SBSPON: variants seen among roughly 807,000 people sequenced by gnomAD.
The protein encoded by SBSPON is somatomedin-B and thrombospondin type-1 domain-containing protein.
A neutral mutation model predicts 35.8 loss-of-function variants in SBSPON; 30 were observed. That is an observed-to-expected ratio of 0.84 (90% CI 0.63 to 1.14). SBSPON has a LOEUF of 1.14. Among genes scored for constraint, SBSPON ranks in the 50% most tolerant of loss-of-function variants. SBSPON has a pLI of 0.00. For synonymous variants in SBSPON, 136 were observed against 135.9 expected (o/e 1.00, Z 0.00); for missense variants, 364 against 357.7 (o/e 1.02, Z -0.14).
chr8:73,092,192 TA>T lies in SBSPON; in HGVS notation c.214+661del, dbSNP rs139032406. On this transcript the variant is annotated intron_variant, in intron 1 of 4. Transcript: ENST00000297354. ...AAGGAAAACCAGCAAGATTACAACA[TA>T]ATAGGGACCTCGAGATAAAATCCTT... Among the ~76,000 whole-genome samples, 509 of 152,286 alleles carry T rather than the reference TA, an allele frequency of 3.3e-3. 5 individuals carry two copies. Among genetic ancestry groups the T allele is most frequent in the African/African-American group, 0.011 (475 of 41,554 alleles).
At chr8:73,070,831 T>C (rs1233229589) in intron 3 of SBSPON, among the ~76,000 whole-genome samples, 1 of 152,218 alleles carries the variant, frequency 6.6e-6, no homozygotes, top group Non-Finnish European at 1.5e-5. Context: ...TTCTTACCCA[T>C]ACAATTATGA....
At chr8:73,086,769 TA>T (rs988414312) in intron 1 of SBSPON, among the ~76,000 whole-genome samples, 1 of 152,206 alleles carries the variant, frequency 6.6e-6, no homozygotes, top group African/African-American at 2.4e-5. Flanking sequence ...AAGATATGAA[TA>T]AAAAAGATAA....
At position 73,088,511 on chromosome 8, in the gene SBSPON, C is replaced by A. The variant is rs558226923; in HGVS notation, c.214+4343G>T. 2.0e-5 allele frequency among the ~76,000 whole-genome samples: 3 copies of A among 152,040 alleles called. No homozygotes were observed. In the South Asian group the frequency reaches 6.2e-4, roughly 32 times the overall value. ...CAGCTTGGGCAACATGGGGAAACTT[C>A]GTCTCCACAAAAAATAGCCAGGCTT... On this transcript the variant is annotated intron_variant, in intron 1 of 4. Coordinates refer to ENST00000297354, the MANE Select transcript of SBSPON (RefSeq NM_153225.4).
chr8:73,090,548 C>T (rs995939901), intron 1 of SBSPON, among the ~76,000 whole-genome samples: 2 of 152,324 alleles, frequency 1.3e-5, no homozygotes, highest in Non-Finnish European at 2.9e-5. Flanking sequence ...TCTGCTCTCA[C>T]CCTCGGAGGG....
chr8:73,080,137 T>C (rs1293132408), intron 2 of SBSPON, among the ~76,000 whole-genome samples: 1 of 152,236 alleles, frequency 6.6e-6, no homozygotes, highest in South Asian at 2.1e-4. Flanking sequence ...CATTGGCCAC[T>C]CCAAAACCAG....
At chr8:73,087,506 C>T (rs1376050877) in intron 1 of SBSPON, among the ~76,000 whole-genome samples, 1 of 152,208 alleles carries the variant, frequency 6.6e-6, no homozygotes, top group Admixed American at 6.5e-5. Context: ...AATACTGGCT[C>T]CAGTCAGGCC....
chr8:73,079,672 A>G (rs1048372681), intron 2 of SBSPON, among the ~76,000 whole-genome samples: 1 of 152,070 alleles, frequency 6.6e-6, no homozygotes, highest in Non-Finnish European at 1.5e-5. Context: ...ACCGAGGGGA[A>G]TCACCTGATT....
At position 73,064,801 on chromosome 8, in the gene SBSPON, TC is replaced by T. The variant is rs1171223213; in HGVS notation, c.*2539del. The T allele has an allele frequency of 6.6e-6, 1 of 152,204 alleles. No homozygotes were observed. The highest frequency in any genetic ancestry group is 1.5e-5 in the Non-Finnish European group (1 of 68,030). The allele number at this position is 152,204 out of a possible 1,614,324, so 9.4% of individuals were successfully genotyped here. ...CTTTTCTCTTCAAAAATGGCCATTA[TC>T]CCTTGCTTCTTTTCCCTTCTTTCCT... On this transcript the variant is annotated 3_prime_UTR_variant, in exon 5 of 5. Coordinates refer to ENST00000297354, the MANE Select transcript of SBSPON (RefSeq NM_153225.4).
chr8:73,068,545 T>C (rs1381643243), intron 4 of SBSPON, among the ~76,000 whole-genome samples: 1 of 152,224 alleles, frequency 6.6e-6, no homozygotes, highest in Non-Finnish European at 1.5e-5. Flanking sequence ...TTCTTTTAGT[T>C]TTGTATAGTG....
chr8:73,083,127 C>T (rs1170896751), intron 1 of SBSPON, among the ~76,000 whole-genome samples: 2 of 152,200 alleles, frequency 1.3e-5, no homozygotes, highest in African/African-American at 2.4e-5. Flanking sequence ...GTATTTGTTT[C>T]TTGTATTCGG....
In SBSPON at chr8:73,081,056, G is replaced by T. The variant is rs763605847; in HGVS notation, c.372C>A (p.Tyr124Ter). ...CGCAGTCCTGGCCCTGCGGGGTGGA[G>T]TACTCCAGGCAGCCAGCTCTCTCTT... ...PLEERAGCLE[Y>*]STPQGQDCGH... The change falls in exon 2 of 5, where the codon TAC becomes TAA. Residue 124 changes from tyrosine to a stop codon, truncating the protein, a stop_gained. Transcript: ENST00000297354. LOFTEE classifies it high-confidence loss of function. The T allele has an allele frequency of 6.2e-7, 1 of 1,611,498 alleles. No individual in the cohort carries two copies. Among genetic ancestry groups the T allele is most frequent in the Non-Finnish European group, 8.5e-7 (1 of 1,178,748 alleles).
intron 1 of SBSPON, among the ~76,000 whole-genome samples, chr8:73,087,798 C>T (rs1810861850): frequency 6.6e-6 from 1 of 152,200 alleles, no homozygotes; most frequent in Non-Finnish European, 1.5e-5. Context: ...ATTACCCTCT[C>T]CTTAAGCTGC....
At position 73,067,382 on chromosome 8, in the gene SBSPON, G is replaced by C. The variant is rs536048336; in HGVS notation, c.754C>G (p.Gln252Glu). Reference protein sequence around the residue: ...GTWKKVRRVDQCSCPAVHSFI... With the variant: ...GTWKKVRRVDECSCPAVHSFI... ...CTGTGAACAGCTGGACAAGAACACT[G>C]GTCTACTCGCCGAACTTTTTTCCAA... The change falls in exon 5 of 5, where the codon CAG (glutamine) becomes GAG (glutamate). Residue 252 changes from glutamine (Q) to glutamate (E), a missense_variant. Gln to Glu is a conservative substitution (Grantham distance 29). Transcript: ENST00000297354. The C allele has an allele frequency of 1.2e-6, 2 of 1,609,532 alleles. No individual in the cohort carries two copies. Among genetic ancestry groups the C allele is most frequent in the African/African-American group, 2.7e-5 (2 of 74,658 alleles).
chr8:73,065,778 CAAA>C lies in SBSPON; in HGVS notation c.*1560_*1562del, dbSNP rs1364982816. ...TGGGCAACAGAGTGAGACTCTGTCT[CAAA>C]GAAAAAAAAACTTTTAAGTAACATT... On this transcript the variant is annotated 3_prime_UTR_variant, in exon 5 of 5. Transcript: ENST00000297354. The C allele has an allele frequency of 6.6e-6, 1 of 151,482 alleles. No homozygotes were observed. Among genetic ancestry groups the C allele is most frequent in the East Asian group, 1.9e-4 (1 of 5,174 alleles). 9.4% of individuals were successfully genotyped at this position (151,482 alleles called of 1,614,324 possible). A position where few individuals can be genotyped will look rare whatever the true frequency, so the allele number is the denominator to read the frequency against.
At position 73,069,890 on chromosome 8, in the gene SBSPON, CCT is replaced by C; in HGVS notation, c.590_591del (p.Glu197GlyfsTer40). On this transcript the variant is annotated frameshift_variant, in exon 4 of 5. Coordinates refer to ENST00000297354, the MANE Select transcript of SBSPON (RefSeq NM_153225.4). LOFTEE classifies it high-confidence loss of function. ...TGACAATCCACACACACCGTGTATC[CCT>C]CTCGGAGATACTGCATCCATCTAGT... ...PLTRWMQYLR[E>X]GYTVCVDCQP... The C allele has an allele frequency of 6.2e-7, 1 of 1,612,692 alleles. No homozygotes were observed. The highest frequency in any genetic ancestry group is 8.5e-7 in the Non-Finnish European group (1 of 1,178,700).
At chr8:73,090,696 G>A (rs1023376760) in intron 1 of SBSPON, among the ~76,000 whole-genome samples, 14 of 152,174 alleles carry the variant, frequency 9.2e-5, no homozygotes, top group Admixed American at 7.9e-4. Context: ...GGCCTGCAAG[G>A]TCCTCTGTTG....
intron 2 of SBSPON, among the ~76,000 whole-genome samples, chr8:73,080,371 C>G (rs1484236525): frequency 6.6e-6 from 1 of 151,966 alleles, no homozygotes; most frequent in South Asian, 2.1e-4. Context: ...AAAAATTAGC[C>G]GGGCGTGGTG....
In SBSPON at chr8:73,074,691, C is replaced by T. The variant is rs142935367; in HGVS notation, c.410-2821G>A. 1,311 of 406,848 alleles carry T rather than the reference C, an allele frequency of 3.2e-3. 5 individuals carry two copies. Among genetic ancestry groups the T allele is most frequent in the Non-Finnish European group, 3.7e-3 (1,127 of 302,298 alleles). The allele number at this position is 406,848 out of a possible 1,614,324, so 25.2% of individuals were successfully genotyped here. ...CCTTTCTGTCACGAATCATTATGCT[C>T]TATGTGAAGTCAGATTTAAGAAAGG... On this transcript the variant is annotated intron_variant, in intron 2 of 4. Transcript: ENST00000297354.
chr8:73,086,703 T>C (rs1028622564), intron 1 of SBSPON, among the ~76,000 whole-genome samples: 1 of 152,084 alleles, frequency 6.6e-6, no homozygotes, highest in Non-Finnish European at 1.5e-5. Context: ...CAAGATGACA[T>C]GGGCTGTGTC....
Sources: gnomAD v4.1 joint callset for allele counts (sites outside exome capture counted in the v4.1 genomes callset) on GRCh38, gnomAD v4.1.1 for gene constraint, MANE v1.5 for transcripts, NCBI Gene and HGNC (gene_info 2026-07-23, HGNC 2026-07-21) for gene names.